Variants in C8orf34 observed in about 807,000 individuals in gnomAD.
The protein encoded by C8orf34 is uncharacterized protein C8orf34.
In C8orf34, 65 loss-of-function variants were observed where a neutral mutation model predicts 68.3. The observed-to-expected ratio is 0.95, with a 90% CI of 0.78 to 1.17. C8orf34 has a LOEUF of 1.17. C8orf34 is among the 50% of genes most tolerant of loss of function. C8orf34 has a pLI of 0.00. For missense variants in C8orf34, 664 were observed against 655.4 expected, an observed-to-expected ratio of 1.01 and a Z score of -0.14; for synonymous variants, 244 against 241.2, an observed-to-expected ratio of 1.01 and a Z score of -0.11.
At chr8:68,814,542 A>AT (rs928885618) in intron 12 of C8orf34, among the ~76,000 whole-genome samples, 1 of 150,360 alleles carries the variant, frequency 6.7e-6, no homozygotes, top group African/African-American at 2.5e-5. Context: ...CAATCCAAAT[A>AT]TTTTTTTGTA....
In C8orf34 at chr8:68,721,409, T is replaced by A. The variant is rs1323153680; in HGVS notation, c.1376T>A (p.Phe459Tyr). The A allele has an allele frequency of 6.2e-7, 1 of 1,609,646 alleles. No individual in the cohort carries two copies. Among genetic ancestry groups the A allele is most frequent in the Non-Finnish European group, 8.5e-7 (1 of 1,177,076 alleles). ...EEALMEEGDE[F>Y]EKASKLTGPG... ...GCACTAATGGAGGAGGGTGACGAAT[T>A]TGAGAAAGCATCTAAACTAACAGGA... Residue 459 changes from phenylalanine (F) to tyrosine (Y), a missense_variant, in exon 10 of 14, where the codon TTT becomes TAT. Physicochemically the swap from Phe to Tyr is conservative, Grantham distance 22. Coordinates refer to ENST00000518698, the MANE Select transcript of C8orf34 (RefSeq NM_052958.4).
At chr8:68,469,517 C>G (rs1812289743) in intron 4 of C8orf34, among the ~76,000 whole-genome samples, 1 of 151,952 alleles carries the variant, frequency 6.6e-6, no homozygotes, top group Non-Finnish European at 1.5e-5. Context: ...TAAGAGTAGG[C>G]AATAAAATGA....
At chr8:68,469,155 A>C (rs1812274785) in intron 4 of C8orf34, among the ~76,000 whole-genome samples, 1 of 151,996 alleles carries the variant, frequency 6.6e-6, no homozygotes, top group East Asian at 1.9e-4. Context: ...GCATCTTTCT[A>C]ATTAATAAAC....
rs550217863 is a variant in C8orf34, at chr8:68,495,004, G to A, written c.765+6953G>A. 5.9e-5 allele frequency among the ~76,000 whole-genome samples: 9 copies of A among 151,588 alleles called. No homozygotes were observed. The East Asian group carries it at 1.7e-3, about 29-fold the overall frequency. ...TACATTCACAGGAGCTCTTAGAATA[G>A]TGTCTACTGACCTAGGCAGATGTCA... is the stretch of plus-strand genomic sequence containing the variant. On this transcript the variant is annotated intron_variant, in intron 5 of 13. Transcript: ENST00000518698.
chr8:68,414,464 G>A lies in C8orf34; in HGVS notation c.328-25035G>A, dbSNP rs559988331. Among the ~76,000 whole-genome samples the A allele has an allele frequency of 6.6e-5, 10 of 152,294 alleles. No homozygotes were observed. The East Asian group carries it at 1.2e-3, about 18-fold the overall frequency. ...GAACAATTTTTAGTTAGTTTCAAATGCCATGATAGGAGGAAATTTTTTCAG... is the reference window on the plus strand; with the variant it reads ...GAACAATTTTTAGTTAGTTTCAAATACCATGATAGGAGGAAATTTTTTCAG... On this transcript the variant is annotated intron_variant, in intron 1 of 13. Transcript: ENST00000518698.
chr8:68,441,825 T>C (rs997177419), intron 2 of C8orf34, among the ~76,000 whole-genome samples: 2 of 152,014 alleles, frequency 1.3e-5, no homozygotes, highest in Non-Finnish European at 2.9e-5. Flanking sequence ...ATTTGAGGAG[T>C]AGGGATAATG....
chr8:68,640,597 G>A (rs568546517), intron 8 of C8orf34, 86 bp downstream of exon 8: 110 of 1,315,894 alleles, frequency 8.4e-5, no homozygotes, highest in Middle Eastern at 4.5e-4. Context: ...GTACTCTTCT[G>A]TGTTAAGAAC....
chr8:68,505,942 G>T (rs1393609974), intron 5 of C8orf34, among the ~76,000 whole-genome samples: 1 of 152,010 alleles, frequency 6.6e-6, no homozygotes, highest in Non-Finnish European at 1.5e-5. Context: ...AATATATAAA[G>T]AATAATATAA....
intron 3 of C8orf34, among the ~76,000 whole-genome samples, chr8:68,452,304 G>A (rs1039006682): frequency 6.6e-6 from 1 of 151,090 alleles, no homozygotes; most frequent in Non-Finnish European, 1.5e-5. Context: ...ATAATTCTAT[G>A]TGTAACTTCG....
At chr8:68,677,665 C>A (rs1324686330) in intron 8 of C8orf34, among the ~76,000 whole-genome samples, 1 of 151,856 alleles carries the variant, frequency 6.6e-6, no homozygotes, top group African/African-American at 2.4e-5. Flanking sequence ...CCTAACAATG[C>A]ATCTTAAAGA....
intron 9 of C8orf34, among the ~76,000 whole-genome samples, chr8:68,715,974 A>G (rs571641153): frequency 6.6e-6 from 1 of 152,346 alleles, no homozygotes; most frequent in South Asian, 2.1e-4. Flanking sequence ...ACCATGAAAT[A>G]CTACTCAACT....
chr8:68,630,128 T>C (rs1818647913), intron 7 of C8orf34, among the ~76,000 whole-genome samples: 1 of 151,982 alleles, frequency 6.6e-6, no homozygotes, highest in Non-Finnish European at 1.5e-5. Flanking sequence ...ATGACATATA[T>C]CATAAAATAG....
intron 1 of C8orf34, among the ~76,000 whole-genome samples, chr8:68,360,607 C>G (rs1806941736): frequency 1.3e-5 from 2 of 152,100 alleles, no homozygotes; most frequent in African/African-American, 4.8e-5. Flanking sequence ...CTTGGACCTT[C>G]AAAATCTACT....
chr8:68,606,316 C>T (rs907385141), intron 7 of C8orf34, among the ~76,000 whole-genome samples: 3 of 152,098 alleles, frequency 2.0e-5, no homozygotes, highest in East Asian at 1.9e-4. Flanking sequence ...CTTTATTTTA[C>T]ATCCCAGTGC....
intron 8 of C8orf34, among the ~76,000 whole-genome samples, chr8:68,664,933 T>C (rs553357088): frequency 1.6e-4 from 24 of 152,240 alleles, no homozygotes; most frequent in Non-Finnish European, 8.8e-5. Context: ...CTTTCTAATA[T>C]AGATTTTAGA....
chr8:68,579,012 A>G (rs145340484), intron 7 of C8orf34, among the ~76,000 whole-genome samples: 1 of 152,268 alleles, frequency 6.6e-6, no homozygotes, highest in Non-Finnish European at 1.5e-5. Flanking sequence ...AAAATTGAGT[A>G]GAAAATAATT....
intron 10 of C8orf34, among the ~76,000 whole-genome samples, chr8:68,740,685 C>G (rs1451112897): frequency 1.3e-5 from 2 of 152,254 alleles, no homozygotes; most frequent in East Asian, 3.9e-4. Flanking sequence ...ATGTCAGTTA[C>G]TCAAAGACCT....
At chr8:68,369,828 G>A (rs1807480223) in intron 1 of C8orf34, among the ~76,000 whole-genome samples, 1 of 152,170 alleles carries the variant, frequency 6.6e-6, no homozygotes, top group African/African-American at 2.4e-5. Flanking sequence ...CATTCCCCTT[G>A]GCACAGGCAC....
In C8orf34 at chr8:68,521,951, T is replaced by G. The variant is rs1333265732; in HGVS notation, c.918T>G (p.Ser306Arg). Residue 306 changes from serine (S) to arginine (R), a missense_variant, in exon 6 of 14, where the codon AGT becomes AGG. Physicochemically the swap from Ser to Arg is moderately radical, Grantham distance 110. Transcript: ENST00000518698. ...SKNDQWESED[S>R]GSSPAGSLKM... ...ATGACCAATGGGAAAGTGAAGATAG[T>G]GGCTCTAGTCCTGCAGGAAGGTGAG... 23 of 1,613,934 alleles carry G rather than the reference T, an allele frequency of 1.4e-5. No individual in the cohort carries two copies. The highest frequency in any genetic ancestry group is 1.8e-5 in the Non-Finnish European group (21 of 1,179,984).
Sources: allele counts gnomAD v4.1 joint callset (sites outside exome capture counted in the v4.1 genomes callset), GRCh38; gene constraint gnomAD v4.1.1; transcripts MANE v1.5; gene names NCBI Gene and HGNC (gene_info 2026-07-23, HGNC 2026-07-21).